The following SMAGP variants were observed in gnomAD, a reference collection of about 807,000 sequenced individuals.
The protein encoded by SMAGP is small cell transmembrane and glycosylated protein.
In SMAGP, 7 loss-of-function variants were observed where a neutral mutation model predicts 10.1. The observed-to-expected ratio is 0.70, with a 90% CI of 0.40 to 1.31. SMAGP has a LOEUF of 1.31. Among genes scored for constraint, SMAGP ranks in the 50% most tolerant of loss-of-function variants. The pLI is 0.01. For missense variants in SMAGP, 113 were observed against 116.5 expected (o/e 0.97, Z 0.14); for synonymous variants, 49 against 47.2 (o/e 1.04, Z -0.16).
intron 2 of SMAGP, among the ~76,000 whole-genome samples, chr12:51,252,112 CAGA>C (rs1169616381): frequency 2.9e-4 from 43 of 149,056 alleles, no homozygotes; most frequent in African/African-American, 4.4e-4. Context: ...TTTTTTTTTC[CAGA>C]CAGAGTCTCG....
chr12:51,268,712 T>C (rs972607821), intron 2 of SMAGP, among the ~76,000 whole-genome samples: 2 of 151,082 alleles, frequency 1.3e-5, no homozygotes, highest in African/African-American at 4.9e-5. Context: ...GCCTCCTGAG[T>C]AGTTGGGATT....
chr12:51,255,436 G>A (rs776931157), intron 2 of SMAGP, among the ~76,000 whole-genome samples: 3 of 152,190 alleles, frequency 2.0e-5, no homozygotes, highest in Non-Finnish European at 4.4e-5. Flanking sequence ...GAGATCTGAG[G>A]TGGGGCCTGA....
chr12:51,259,090 C>T (rs927475505), intron 2 of SMAGP, among the ~76,000 whole-genome samples: 1 of 151,376 alleles, frequency 6.6e-6, no homozygotes, highest in Non-Finnish European at 1.5e-5. Flanking sequence ...GCCATGTTTG[C>T]GCCACTGCAT....
intron 2 of SMAGP, among the ~76,000 whole-genome samples, chr12:51,249,404 G>C (rs1944814233): frequency 6.6e-6 from 1 of 152,114 alleles, no homozygotes; most frequent in Non-Finnish European, 1.5e-5. Flanking sequence ...TGCAGCCTTG[G>C]GGGCCCAGAC....
chr12:51,268,553 TCTTC>T (rs144330618), intron 2 of SMAGP, among the ~76,000 whole-genome samples: 55 of 148,516 alleles, frequency 3.7e-4, no homozygotes, highest in African/African-American at 1.3e-3. Context: ...TATACAATAA[TCTTC>T]CTTCCTTCCT....
rs114378235 is a variant in SMAGP, at chr12:51,246,115, A to G, written c.120T>C (p.Val40=). ...DGASTALIAV[V]ITVVFLTLLS... ...GCAGGGTGAGGAAGACAACGGTGATAACAACTTGGAAAGGAGAGGGAAAAT... is the reference window on the plus strand; with the variant it reads ...GCAGGGTGAGGAAGACAACGGTGATGACAACTTGGAAAGGAGAGGGAAAAT... Residue 40 remains valine, a synonymous_variant, in exon 4 of 4, where the codon GTT becomes GTC. Coordinates refer to ENST00000603798, the MANE Select transcript of SMAGP (RefSeq NM_001031628.2). The G allele has an allele frequency of 9.8e-3, 15,852 of 1,613,770 alleles. 693 individuals carry two copies. In the East Asian group the frequency reaches 0.11, roughly 11 times the overall value.
At chr12:51,266,196 A>G (rs1288067105) in intron 2 of SMAGP, among the ~76,000 whole-genome samples, 1 of 152,236 alleles carries the variant, frequency 6.6e-6, no homozygotes, top group African/African-American at 2.4e-5. Flanking sequence ...ACAGAAAAAG[A>G]AAATTCCAGA....
intron 2 of SMAGP, among the ~76,000 whole-genome samples, chr12:51,247,847 C>T (rs1944792465): frequency 6.6e-6 from 1 of 152,210 alleles, no homozygotes; most frequent in South Asian, 2.1e-4. Flanking sequence ...TCCACTGCAC[C>T]CCACAGCTTG....
In SMAGP at chr12:51,269,309, A is replaced by C; in HGVS notation, c.-31T>G. On this transcript the variant is annotated 5_prime_UTR_variant, in exon 2 of 4. Coordinates refer to ENST00000603798, the MANE Select transcript of SMAGP (RefSeq NM_001031628.2). The stretch of plus-strand genomic sequence containing the variant: ...CTAGTGGTTGAGTTTCTTGGAGAAG[A>C]GGCAGATCTGTAGGAAGAGGGGCAA... 1 of 1,613,724 alleles carries C rather than the reference A, an allele frequency of 6.2e-7. No homozygotes were observed.
chr12:51,255,285 C>T (rs1474598867), intron 2 of SMAGP, among the ~76,000 whole-genome samples: 1 of 152,176 alleles, frequency 6.6e-6, no homozygotes, highest in Non-Finnish European at 1.5e-5. Flanking sequence ...GGTTCTCCCT[C>T]CTTGGCCTCC....
intron 2 of SMAGP, 37 bp from the exon 3 acceptor site, chr12:51,246,868 G>A: frequency 6.8e-7 from 1 of 1,463,440 alleles, no homozygotes; most frequent in Non-Finnish European, 9.2e-7. Flanking sequence ...GAAATGGAGT[G>A]AATTCTTTTG....
chr12:51,269,254 A>T lies in SMAGP; in HGVS notation c.25T>A (p.Ser9Thr). The T allele has an allele frequency of 6.2e-7, 1 of 1,613,806 alleles. No homozygotes were observed. Among genetic ancestry groups the T allele is most frequent in the Non-Finnish European group, 8.5e-7 (1 of 1,179,794 alleles). ...AAAGGCCTTCACCTACCTCTTGGAG[A>T]AGGAGTAGTCAGGAGGCTGGTCATT... is the stretch of plus-strand genomic sequence containing the variant. Reference protein sequence around the residue: MTSLLTTPSPREELMTTPI... With the variant: MTSLLTTPTPREELMTTPI... The change falls in exon 2 of 4, where the codon TCT becomes ACT. Residue 9 changes from serine to threonine, a missense_variant. Ser to Thr is a moderately conservative substitution (Grantham distance 58). Transcript: ENST00000603798.
chr12:51,250,142 G>A (rs1318084373), intron 2 of SMAGP, among the ~76,000 whole-genome samples: 1 of 150,212 alleles, frequency 6.7e-6, no homozygotes, highest in Non-Finnish European at 1.5e-5. Flanking sequence ...GACCAAGGTG[G>A]GAAGATCGCT....
intron 2 of SMAGP, among the ~76,000 whole-genome samples, chr12:51,260,433 G>A (rs1410429803): frequency 6.6e-6 from 1 of 151,856 alleles, no homozygotes; most frequent in African/African-American, 2.4e-5. Context: ...CTGGAGTGCA[G>A]TGGCAGAATC....
chr12:51,257,706 G>A (rs1220478847), intron 2 of SMAGP, among the ~76,000 whole-genome samples: 1 of 152,106 alleles, frequency 6.6e-6, no homozygotes, highest in African/African-American at 2.4e-5. Context: ...CACTACACTT[G>A]GCTAATTTTT....
At chr12:51,266,098 A>G (rs1180275008) in intron 2 of SMAGP, among the ~76,000 whole-genome samples, 4 of 152,038 alleles carry the variant, frequency 2.6e-5, no homozygotes, top group African/African-American at 9.7e-5. Context: ...AAAAAACAAC[A>G]GTAGTCCCCT....
rs562717450 is a variant in SMAGP, at chr12:51,246,899, C to T, written c.35-68G>A. 3.0e-5 allele frequency: 38 copies of T among 1,246,920 alleles called. No homozygotes were observed. The African/African-American group carries it at 4.8e-4, about 16-fold the overall frequency. The allele number at this position is 1,246,920 out of a possible 1,614,324, so 77.2% of individuals were successfully genotyped here. ...TTTTGTTTGAAAGCATATGTTTGGC[C>T]TTCAAATTTCACCACCCCACCTTCT... On this transcript the variant is annotated intron_variant, in intron 2 of 3. Coordinates refer to ENST00000603798, the MANE Select transcript of SMAGP (RefSeq NM_001031628.2).
chr12:51,246,541 G>A, intron 3 of SMAGP: 1 of 460,826 alleles, frequency 2.2e-6, no homozygotes, highest in Non-Finnish European at 3.8e-6. Context: ...TCTATTTGCG[G>A]CCACCTCCCA....
At chr12:51,246,280 T>C in intron 3 of SMAGP, 161 bp from the exon 4 acceptor site, 2 of 1,010,886 alleles carry the variant, frequency 2.0e-6, no homozygotes, top group Non-Finnish European at 2.8e-6. Flanking sequence ...CCAACCCCAA[T>C]TTCCATGGCA....
Sources: gnomAD v4.1 joint callset for allele counts (sites outside exome capture counted in the v4.1 genomes callset) on GRCh38, gnomAD v4.1.1 for gene constraint, MANE v1.5 for transcripts, NCBI Gene and HGNC (gene_info 2026-07-23, HGNC 2026-07-21) for gene names.